Variants in DLG4 observed in about 807,000 individuals in gnomAD.
DLG4 encodes disks large homolog 4.
DLG4 carries 7 observed loss-of-function variants against 93.8 expected under a neutral mutation model. The observed-to-expected ratio is 0.07, with a 90% CI of 0.04 to 0.14. The LOEUF (loss-of-function observed/expected upper bound fraction) is 0.14. DLG4 is among the 10% of genes least tolerant of loss of function. DLG4 has a pLI of 1.00. For synonymous variants in DLG4, 341 were observed against 387.6 expected (o/e 0.88, Z 1.41); for missense variants, 545 against 992.9 (o/e 0.55, Z 6.06).
At chr17:7,217,893 G>A, upstream of DLG4, 2 of 1,413,016 alleles carry the variant, frequency 1.4e-6, no homozygotes, top group South Asian at 1.2e-5. Flanking sequence ...GAATACGGGA[G>A]GGAGGCCTCT....
intron 8 of DLG4, among the ~76,000 whole-genome samples, chr17:7,201,810 G>A (rs2070153325): frequency 6.6e-6 from 1 of 152,206 alleles, no homozygotes. Flanking sequence ...GAACCTGGGA[G>A]GCAGAGGTTG....
upstream of DLG4, chr17:7,219,667 G>A (rs950368507): frequency 7.7e-7 from 1 of 1,302,034 alleles, no homozygotes; most frequent in South Asian, 1.7e-5. Flanking sequence ...CCATCCCTCT[G>A]GCTGCAGTGA....
upstream of DLG4, chr17:7,218,745 G>A (rs987927514): frequency 1.9e-5 from 30 of 1,583,496 alleles, no homozygotes; most frequent in African/African-American, 2.0e-4. Flanking sequence ...CAGCCCCTAC[G>A]GAAAGATTTG....
rs953811937 is a variant in DLG4 at position 7,195,529 on chromosome 17, G to A, written c.1301+691C>T. ...ATGAGCTCAGCGTGGGACATGTTGA[G>A]TGTGGGACGCCTGTGGGACATCCCA... On this transcript the variant is annotated intron_variant, in intron 11 of 19. Transcript: ENST00000399506. This position sits in a 1 kb window ranked among gnomAD's most constrained non-coding sequence, Gnocchi z 4.3. Among the ~76,000 whole-genome samples the A allele has an allele frequency of 6.6e-6, 1 of 152,230 alleles. No individual in the cohort carries two copies. The highest frequency in any genetic ancestry group is 6.5e-5 in the Admixed American group (1 of 15,290).
intron 8 of DLG4, among the ~76,000 whole-genome samples, chr17:7,201,586 G>A (rs1028972775): frequency 6.6e-6 from 1 of 152,148 alleles, no homozygotes; most frequent in Admixed American, 6.6e-5. Context: ...TGCCCTCTTT[G>A]TAAGTTAACG....
chr17:7,218,037 G>A (rs2071014583), upstream of DLG4, among the ~76,000 whole-genome samples: 1 of 151,784 alleles, frequency 6.6e-6, no homozygotes, highest in South Asian at 2.1e-4. Flanking sequence ...TGAAACTGGG[G>A]CAGCCAAAGA....
chr17:7,208,311 C>T lies in DLG4; in HGVS notation c.31-72G>A, dbSNP rs2070572571. ...GGCTCCAGGCTGGCCGCCCTGGCCG[C>T]CGCCTCTTCCCCCAGCCAGTGCAGT... On this transcript the variant is annotated intron_variant, in intron 1 of 19. Coordinates refer to ENST00000399506, the MANE Select transcript of DLG4 (RefSeq NM_001321075.3). This position sits in a 1 kb window ranked among gnomAD's most constrained non-coding sequence, Gnocchi z 5.4. 1.6e-6 allele frequency: 2 copies of T among 1,254,814 alleles called. No individual in the cohort carries two copies. The highest frequency in any genetic ancestry group is 3.1e-5 in the Admixed American group (1 of 32,566). The allele number at this position is 1,254,814 out of a possible 1,614,324, so 77.7% of individuals were successfully genotyped here. A position where few individuals can be genotyped will look rare whatever the true frequency, so the allele number is the denominator to read the frequency against.
At chr17:7,202,279 G>T (rs1040690580) in intron 8 of DLG4, among the ~76,000 whole-genome samples, 2 of 151,980 alleles carry the variant, frequency 1.3e-5, no homozygotes, top group East Asian at 3.9e-4. Context: ...GCCTAGGCTG[G>T]TCTCAAATCC....
In DLG4 at chr17:7,196,758, G is replaced by A. The variant is rs775380315; in HGVS notation, c.1082C>T (p.Ser361Leu). 1.9e-6 allele frequency: 3 copies of A among 1,602,834 alleles called. No homozygotes were observed. The highest frequency in any genetic ancestry group is 2.6e-6 in the Non-Finnish European group (3 of 1,174,632). The change falls in exon 9 of 20, where the codon TCG becomes TTG. Residue 361 changes from serine to leucine, a missense_variant and splice_region_variant. Physicochemically the swap from Ser to Leu is moderately radical, Grantham distance 145. This residue lies in a region of DLG4 where 428 missense variants were observed against 741.4 expected (regional missense o/e 0.58). Coordinates refer to ENST00000399506, the MANE Select transcript of DLG4 (RefSeq NM_001321075.3). The surrounding 1 kb of genome is among the most constrained non-coding windows in gnomAD (Gnocchi z 8.3). ...AGGTAGGGGCAGGCCTTCCCTCACC[G>A]ACAGGATCTGGTCCCCCTTCCGCAG... Reference protein sequence around the residue: ...GELRKGDQILSVNGVDLRNAS... With the variant: ...GELRKGDQILLVNGVDLRNAS...
chr17:7,190,946 C>A, intron 19 of DLG4, 132 bp from the exon 20 acceptor site: 1 of 695,474 alleles, frequency 1.4e-6, no homozygotes, highest in East Asian at 2.6e-5. Flanking sequence ...GGGCTGCACC[C>A]GCCCACAGGG....
chr17:7,205,144 C>T, intron 2 of DLG4: 2 of 985,530 alleles, frequency 2.0e-6, no homozygotes, highest in Non-Finnish European at 2.4e-6. Context: ...TTCCTCGCTC[C>T]CCTACGCCCC....
In DLG4 at chr17:7,196,224, T is replaced by G; in HGVS notation, c.1297A>C (p.Ile433Leu). ...CCAGCCCGGGAAGCCTCTGACCTGA[T>G]GTAGAAACCCCTTTTGGGGTTGCTC... Reference protein sequence around the residue: ...LRSNPKRGFYIRALFDYDKTK... With the variant: ...LRSNPKRGFYLRALFDYDKTK... Residue 433 changes from isoleucine (I) to leucine (L), a missense_variant, in exon 11 of 20, where the codon ATC becomes CTC. By Grantham distance (5) the Ile-to-Leu change is conservative. Transcript: ENST00000399506. The surrounding 1 kb of genome is among the most constrained non-coding windows in gnomAD (Gnocchi z 8.3). 1.2e-6 allele frequency: 2 copies of G among 1,613,028 alleles called. No individual in the cohort carries two copies. Among genetic ancestry groups the G allele is most frequent in the Non-Finnish European group, 8.5e-7 (1 of 1,179,188 alleles).
At chr17:7,215,734 C>T (rs1803704253) in intron 1 of DLG4, among the ~76,000 whole-genome samples, 1 of 152,174 alleles carries the variant, frequency 6.6e-6, no homozygotes, top group Non-Finnish European at 1.5e-5. Context: ...CTCACACGTG[C>T]ACAATGCATG....
At chr17:7,202,788 G>A (rs769463035) in intron 8 of DLG4, 115 bp downstream of exon 8, 26 of 1,298,986 alleles carry the variant, frequency 2.0e-5, no homozygotes, top group Non-Finnish European at 2.7e-5. Flanking sequence ...CAGAGGTTGT[G>A]GCTATTTCAT....
intron 1 of DLG4, among the ~76,000 whole-genome samples, chr17:7,210,101 G>C (rs1294285035): frequency 6.6e-6 from 1 of 152,190 alleles, no homozygotes; most frequent in African/African-American, 2.4e-5. Context: ...GAGAGGCTGA[G>C]AGTGCCCTAA....
upstream of DLG4, chr17:7,218,224 C>T (rs759500299): frequency 1.2e-5 from 19 of 1,603,864 alleles, no homozygotes; most frequent in Admixed American, 2.0e-4. Context: ...GTTAGGCGCT[C>T]GCCCCCACCT....
In DLG4 at chr17:7,194,042, A is replaced by G; in HGVS notation, c.1479-42T>C. On this transcript the variant is annotated intron_variant, in intron 12 of 19. Coordinates refer to ENST00000399506, the MANE Select transcript of DLG4 (RefSeq NM_001321075.3). This position sits in a 1 kb window ranked among gnomAD's most constrained non-coding sequence, Gnocchi z 4.4. The stretch of plus-strand genomic sequence containing the variant: ...GGGATACGCGGGTAGGGGAATGCCT[A>G]CCCCCTGCCACCCCCATGCTCTGAG... The G allele has an allele frequency of 1.3e-6, 2 of 1,595,750 alleles. No individual in the cohort carries two copies. Among genetic ancestry groups the G allele is most frequent in the Non-Finnish European group, 1.7e-6 (2 of 1,172,436 alleles).
At position 7,191,576 on chromosome 17, in the gene DLG4, T is replaced by C; in HGVS notation, c.1977-218A>G. 3 of 595,912 alleles carry C rather than the reference T, an allele frequency of 5.0e-6. No homozygotes were observed. The South Asian group carries it at 6.1e-5, about 12-fold the overall frequency. The allele number at this position is 595,912 out of a possible 1,614,324, so 36.9% of individuals were successfully genotyped here. A position where few individuals can be genotyped will look rare whatever the true frequency, so the allele number is the denominator to read the frequency against. ...CAGGTGTGGCTACTCCAGGGACATC[T>C]ACGGAGCTTCATCCTTCCAGCCTTC... On this transcript the variant is annotated intron_variant, in intron 18 of 19. Transcript: ENST00000399506. This position sits in a 1 kb window ranked among gnomAD's most constrained non-coding sequence, Gnocchi z 6.6.
chr17:7,214,854 T>A (rs1298218685), intron 1 of DLG4, among the ~76,000 whole-genome samples: 2 of 151,732 alleles, frequency 1.3e-5, no homozygotes, highest in Non-Finnish European at 2.9e-5. Flanking sequence ...TAGAGTGGAG[T>A]TTGCACACAA....
Sources: allele counts gnomAD v4.1 joint callset (sites outside exome capture counted in the v4.1 genomes callset), GRCh38; gene constraint gnomAD v4.1.1; regional missense constraint gnomAD v4.1.1; non-coding constraint Gnocchi (gnomAD v3.1); transcripts MANE v1.5; gene names NCBI Gene and HGNC (gene_info 2026-07-23, HGNC 2026-07-21).